Variants in HHIP observed in about 807,000 individuals in gnomAD.
HHIP encodes the protein hedgehog-interacting protein.
Under a neutral mutation model 74.0 loss-of-function variants are expected in HHIP, and 12 were observed. The ratio of observed to expected loss-of-function variants is 0.16; its 90% CI spans 0.10 to 0.26. The LOEUF (loss-of-function observed/expected upper bound fraction) is 0.26, where lower values mean the gene tolerates loss of function less well. Among genes scored for constraint, HHIP ranks in the 10% least tolerant of loss-of-function variants. The pLI, the probability that HHIP is intolerant of heterozygous loss-of-function variation, is 1.00. For missense variants in HHIP, 788 were observed against 845.0 expected, an observed-to-expected ratio of 0.93 and a Z score of 0.84; for synonymous variants, 309 against 311.6, an observed-to-expected ratio of 0.99 and a Z score of 0.09.
intron 1 of HHIP, among the ~76,000 whole-genome samples, chr4:144,647,493 G>A (rs1174332536): frequency 6.6e-6 from 1 of 152,184 alleles, no homozygotes; most frequent in Admixed American, 6.5e-5. Context: ...GGAACTCCTG[G>A]TCCTCCGGTT....
intron 11 of HHIP, among the ~76,000 whole-genome samples, chr4:144,732,177 GAGCC>G (rs1212330724): frequency 1.3e-5 from 2 of 152,126 alleles, no homozygotes; most frequent in Non-Finnish European, 2.9e-5. Flanking sequence ...CATATTAAGG[GAGCC>G]CTGATAGAGT....
chr4:144,697,330 A>G (rs1170834788), intron 4 of HHIP, among the ~76,000 whole-genome samples: 1 of 151,822 alleles, frequency 6.6e-6, no homozygotes, highest in Non-Finnish European at 1.5e-5. Context: ...TTGGAGGCTT[A>G]TTGTTTTATT....
chr4:144,689,858 G>T (rs1308609394), intron 4 of HHIP, among the ~76,000 whole-genome samples: 1 of 152,020 alleles, frequency 6.6e-6, no homozygotes, highest in Non-Finnish European at 1.5e-5. Context: ...GCCCAGGCTG[G>T]AATGCAATGG....
At position 144,646,909 on chromosome 4, in the gene HHIP, C is replaced by T; in HGVS notation, c.234C>T (p.Cys78=). 3.7e-6 allele frequency: 6 copies of T among 1,613,696 alleles called. No individual in the cohort carries two copies. The highest frequency in any genetic ancestry group is 5.1e-6 in the Non-Finnish European group (6 of 1,179,660). Reference sequence around the variant, plus strand: ...GTGGCTTCTACCCTCGGCTGTCCTGCTGCCTGCGGAGTGACAGCCCGGGGC... The same window carrying T: ...GTGGCTTCTACCCTCGGCTGTCCTGTTGCCTGCGGAGTGACAGCCCGGGGC... The part of the protein sequence containing the change: ...LCGGFYPRLS[C]CLRSDSPGLG... The change falls in exon 1 of 13, where the codon TGC becomes TGT. Residue 78 remains cysteine, a synonymous_variant. Coordinates refer to ENST00000296575, the MANE Select transcript of HHIP (RefSeq NM_022475.3).
rs2126702156 is a variant in HHIP, at chr4:144,742,138, A to G, written c.*4181A>G. ...ACCACTTCCCTCTCCTACATTTTCTATTGGTTTTGCCTAAATAGACATGTT... is the reference window on the plus strand; with the variant it reads ...ACCACTTCCCTCTCCTACATTTTCTGTTGGTTTTGCCTAAATAGACATGTT... On this transcript the variant is annotated 3_prime_UTR_variant, in exon 13 of 13. Coordinates refer to ENST00000296575, the MANE Select transcript of HHIP (RefSeq NM_022475.3). The G allele has an allele frequency of 6.6e-6, 1 of 151,694 alleles. No individual in the cohort carries two copies. The highest frequency in any genetic ancestry group is 2.1e-4 in the South Asian group (1 of 4,792). The allele number at this position is 151,694 out of a possible 1,614,324, so 9.4% of individuals were successfully genotyped here.
intron 7 of HHIP, among the ~76,000 whole-genome samples, chr4:144,709,513 G>A (rs962421670): frequency 3.3e-5 from 5 of 152,174 alleles, no homozygotes; most frequent in African/African-American, 1.2e-4. Flanking sequence ...CCTGTGCTGC[G>A]GAGCCTCCCC....
chr4:144,720,682 G>A (rs1560719615), intron 11 of HHIP, among the ~76,000 whole-genome samples: 1 of 152,022 alleles, frequency 6.6e-6, no homozygotes, highest in Non-Finnish European at 1.5e-5. Context: ...GGGGGCCCGG[G>A]TTAAGATTTG....
intron 1 of HHIP, among the ~76,000 whole-genome samples, chr4:144,650,335 A>G (rs1426958730): frequency 6.6e-6 from 1 of 152,116 alleles, no homozygotes; most frequent in East Asian, 1.9e-4. Context: ...TGCTGTAATA[A>G]TGTTTCGAAG....
intron 4 of HHIP, chr4:144,660,087 C>T: frequency 1.9e-6 from 1 of 534,634 alleles, no homozygotes; most frequent in South Asian, 3.1e-5. Flanking sequence ...GTAATTGACA[C>T]ATTTAAAGGA....
intron 1 of HHIP, chr4:144,648,657 G>T (rs1165153903): frequency 6.6e-6 from 1 of 152,092 alleles, no homozygotes; most frequent in Non-Finnish European, 1.5e-5. Context: ...GTCTCCCTTG[G>T]TGCAATACGT....
At chr4:144,681,725 C>A (rs930132916) in intron 4 of HHIP, among the ~76,000 whole-genome samples, 1 of 152,162 alleles carries the variant, frequency 6.6e-6, no homozygotes, top group Admixed American at 6.5e-5. Flanking sequence ...ATCCAGCCCC[C>A]AGATTGCAGA....
chr4:144,718,908 T>C lies in HHIP; in HGVS notation c.1712T>C (p.Met571Thr), dbSNP rs939983350. 6.2e-7 allele frequency: 1 copy of C among 1,610,920 alleles called. No homozygotes were observed. Residue 571 changes from methionine (M) to threonine (T), a missense_variant, in exon 11 of 13, where the codon ATG becomes ACG. Coordinates refer to ENST00000296575, the MANE Select transcript of HHIP (RefSeq NM_022475.3). ...EVYILSSSKS[M>T]TQTHNGKLYK... ...TACATTTTATCAAGCAGTAAAAGTA[T>C]GACCCAGACTCACAATGGAAAACTC...
At position 144,744,544 on chromosome 4, in the gene HHIP, T is replaced by G. The variant is rs1731334286; in HGVS notation, c.*6587T>G. 1.3e-5 allele frequency: 2 copies of G among 152,190 alleles called. No homozygotes were observed. The highest frequency in any genetic ancestry group is 1.3e-4 in the Admixed American group (2 of 15,272). The allele number at this position is 152,190 out of a possible 1,614,324, so 9.4% of individuals were successfully genotyped here. A position where few individuals can be genotyped will look rare whatever the true frequency, so the allele number is the denominator to read the frequency against. ...AGTTTAAGGGAGCAGGGCTATCATA[T>G]GTACTAGGTGAGATTTCTATAAATG... On this transcript the variant is annotated 3_prime_UTR_variant, in exon 13 of 13. Coordinates refer to ENST00000296575, the MANE Select transcript of HHIP (RefSeq NM_022475.3).
rs561881769 is a variant in HHIP, at chr4:144,675,743, A to G, written c.831+15905A>G. The stretch of plus-strand genomic sequence containing the variant: ...ATTGTTTAATGAAATATTACTGAAA[A>G]TATAAACTTTTCTAAAAAATTACAC... On this transcript the variant is annotated intron_variant, in intron 4 of 12. Transcript: ENST00000296575. Among the ~76,000 whole-genome samples the G allele has an allele frequency of 1.2e-4, 18 of 152,312 alleles. No individual in the cohort carries two copies. The South Asian group carries it at 3.7e-3, about 32-fold the overall frequency.
chr4:144,653,018 G>T (rs1295853224), intron 2 of HHIP, among the ~76,000 whole-genome samples: 1 of 152,036 alleles, frequency 6.6e-6, no homozygotes, highest in Non-Finnish European at 1.5e-5. Flanking sequence ...TTGTTGACTT[G>T]TTATATATTT....
chr4:144,658,209 T>A (rs1252364085), intron 2 of HHIP, among the ~76,000 whole-genome samples: 1 of 152,152 alleles, frequency 6.6e-6, no homozygotes, highest in Admixed American at 6.5e-5. Context: ...GCAAGATAAA[T>A]GCTGAGTTTG....
At chr4:144,671,176 C>G (rs191371543) in intron 4 of HHIP, among the ~76,000 whole-genome samples, 3 of 152,284 alleles carry the variant, frequency 2.0e-5, no homozygotes, top group East Asian at 3.9e-4. Flanking sequence ...TATATTTACA[C>G]CCGAGGTGTC....
intron 4 of HHIP, among the ~76,000 whole-genome samples, chr4:144,705,859 C>T (rs1446799924): frequency 1.3e-5 from 2 of 152,262 alleles, no homozygotes; most frequent in South Asian, 2.1e-4. Context: ...CTTCCCCAGC[C>T]GTGGCCTTTA....
rs533704339 is a variant in HHIP at position 144,651,205 on chromosome 4, A to T, written c.280-1400A>T. Among the ~76,000 whole-genome samples the T allele has an allele frequency of 2.0e-5, 3 of 152,264 alleles. No individual in the cohort carries two copies. The East Asian group carries it at 5.8e-4, about 29-fold the overall frequency. On this transcript the variant is annotated intron_variant, in intron 1 of 12. Coordinates refer to ENST00000296575, the MANE Select transcript of HHIP (RefSeq NM_022475.3). Reference sequence around the variant, plus strand: ...TGTAGTGTATGTTTCCTTTTAGAAAATTTTATCCATTTAAGCAATTGTTAT... The same window carrying T: ...TGTAGTGTATGTTTCCTTTTAGAAATTTTTATCCATTTAAGCAATTGTTAT...
Sources: allele counts gnomAD v4.1 joint callset (sites outside exome capture counted in the v4.1 genomes callset), GRCh38; gene constraint gnomAD v4.1.1; transcripts MANE v1.5; gene names NCBI Gene and HGNC (gene_info 2026-07-23, HGNC 2026-07-21).